The following VPS50 variants were observed in gnomAD, a reference collection of about 807,000 sequenced individuals.
VPS50 encodes syndetin.
VPS50 carries 70 observed loss-of-function variants against 139.7 expected under a neutral mutation model. That is an observed-to-expected ratio of 0.50 (90% confidence interval 0.41 to 0.61). VPS50 has a LOEUF of 0.61. Ranked by LOEUF, VPS50 falls within the 20% of genes least tolerant of loss-of-function variation. The pLI, the probability that VPS50 is intolerant of heterozygous loss-of-function variation, is 0.00. For synonymous variants in VPS50, 365 were observed against 376.7 expected (o/e 0.97, Z 0.36); for missense variants, 921 against 1,133.7 (o/e 0.81, Z 2.69).
intron 2 of VPS50, among the ~76,000 whole-genome samples, chr7:93,241,841 A>G (rs778009247): frequency 6.6e-6 from 1 of 151,974 alleles, no homozygotes; most frequent in African/African-American, 2.4e-5. Context: ...ATCATAACAC[A>G]TATATTTTAA....
intron 2 of VPS50, among the ~76,000 whole-genome samples, chr7:93,245,438 A>G (rs1044287628): frequency 6.6e-6 from 1 of 151,832 alleles, no homozygotes; most frequent in East Asian, 1.9e-4. Context: ...CTTTTAGAGA[A>G]AGTGTCTGAT....
At chr7:93,241,107 C>A (rs1245869325) in intron 2 of VPS50, among the ~76,000 whole-genome samples, 1 of 152,054 alleles carries the variant, frequency 6.6e-6, no homozygotes, top group Admixed American at 6.6e-5. Context: ...TATGAACATA[C>A]CTTGAATTAG....
chr7:93,276,486 C>A, intron 12 of VPS50, 181 bp downstream of exon 12: 15 of 980,430 alleles, frequency 1.5e-5, no homozygotes, highest in Admixed American at 3.2e-5. Context: ...CTCAGTCACA[C>A]AAATGGTAAA....
At chr7:93,237,167 A>G (rs1178841425) in intron 1 of VPS50, among the ~76,000 whole-genome samples, 1 of 150,748 alleles carries the variant, frequency 6.6e-6, no homozygotes, top group Non-Finnish European at 1.5e-5. Context: ...TGTGTTAGCC[A>G]GGATAGTCTC....
intron 4 of VPS50, among the ~76,000 whole-genome samples, chr7:93,255,070 C>CT (rs1795447866): frequency 6.6e-6 from 1 of 151,828 alleles, no homozygotes; most frequent in Non-Finnish European, 1.5e-5. Flanking sequence ...TTGTGGAAGA[C>CT]AATTTTTCTA....
chr7:93,252,243 A>T (rs796816345), intron 2 of VPS50, among the ~76,000 whole-genome samples: 4 of 152,252 alleles, frequency 2.6e-5, no homozygotes, highest in African/African-American at 9.6e-5. Context: ...GTTGATTGTG[A>T]CCCAGAAGTT....
At chr7:93,344,620 T>C (rs1335410669) in intron 23 of VPS50, among the ~76,000 whole-genome samples, 1 of 151,680 alleles carries the variant, frequency 6.6e-6, no homozygotes, top group Non-Finnish European at 1.5e-5. Context: ...ACAGAAATTA[T>C]AACAAACTAT....
chr7:93,237,748 A>AT (rs1283380100), intron 1 of VPS50, among the ~76,000 whole-genome samples: 1 of 152,176 alleles, frequency 6.6e-6, no homozygotes, highest in African/African-American at 2.4e-5. Context: ...GGGTTTAAAA[A>AT]TTTTTTTTAT....
At chr7:93,236,681 A>C (rs1794809536) in intron 1 of VPS50, among the ~76,000 whole-genome samples, 1 of 152,014 alleles carries the variant, frequency 6.6e-6, no homozygotes, top group Non-Finnish European at 1.5e-5. Context: ...AGAGAGATGA[A>C]GATAAAATAA....
In VPS50 at chr7:93,359,492, TCTC is replaced by T. The variant is rs1408578922; in HGVS notation, c.*1059_*1061del. On this transcript the variant is annotated 3_prime_UTR_variant, in exon 28 of 28. Transcript: ENST00000305866. ...AACTTTGCCCTGAAGCCAGGGATCT[TCTC>T]CTAATGTATGTGACATAAAAATCCA... 1.9e-4 allele frequency: 29 copies of T among 152,162 alleles called. No homozygotes were observed. The highest frequency in any genetic ancestry group is 7.0e-4 in the African/African-American group (29 of 41,444). The allele number at this position is 152,162 out of a possible 1,614,324, so 9.4% of individuals were successfully genotyped here.
intron 12 of VPS50, among the ~76,000 whole-genome samples, chr7:93,283,843 G>A (rs1796402193): frequency 6.6e-6 from 1 of 152,184 alleles, no homozygotes; most frequent in Non-Finnish European, 1.5e-5. Context: ...GCAGGTGAAA[G>A]GAATAGTAGA....
chr7:93,335,068 T>A (rs1798035281), intron 22 of VPS50, among the ~76,000 whole-genome samples: 1 of 152,220 alleles, frequency 6.6e-6, no homozygotes, highest in African/African-American at 2.4e-5. Flanking sequence ...GAAATACTGT[T>A]GCAACAATTG....
intron 3 of VPS50, among the ~76,000 whole-genome samples, chr7:93,252,994 G>A (rs531835940): frequency 6.6e-6 from 1 of 152,086 alleles, no homozygotes; most frequent in Non-Finnish European, 1.5e-5. Flanking sequence ...AAACATTTCT[G>A]TATTTTTGGT....
intron 2 of VPS50, among the ~76,000 whole-genome samples, chr7:93,244,031 G>A (rs1020981377): frequency 2.0e-5 from 3 of 151,672 alleles, no homozygotes; most frequent in Admixed American, 6.6e-5. Context: ...ATAGTAATGG[G>A]ATTCAGCTGT....
intron 1 of VPS50, among the ~76,000 whole-genome samples, chr7:93,234,372 A>C (rs1041928063): frequency 3.3e-5 from 5 of 152,246 alleles, no homozygotes; most frequent in Non-Finnish European, 7.3e-5. Flanking sequence ...GAATTTCAGC[A>C]GGTCAAACCT....
chr7:93,251,859 T>C (rs1446386845), intron 2 of VPS50, among the ~76,000 whole-genome samples: 1 of 152,232 alleles, frequency 6.6e-6, no homozygotes, highest in African/African-American at 2.4e-5. Context: ...ATGTCTATAA[T>C]GTCTTGATTA....
chr7:93,269,616 GTCTA>G (rs1212951695), intron 9 of VPS50, among the ~76,000 whole-genome samples: 1 of 152,008 alleles, frequency 6.6e-6, no homozygotes, highest in African/African-American at 2.4e-5. Context: ...TGCTATCTAT[GTCTA>G]TCTATATCTC....
chr7:93,308,287 C>T (rs1797172894), intron 18 of VPS50, among the ~76,000 whole-genome samples: 1 of 151,734 alleles, frequency 6.6e-6, no homozygotes, highest in Admixed American at 6.6e-5. Context: ...GTAAATCCAC[C>T]ATTTTTGTCC....
At chr7:93,257,995 G>T in intron 6 of VPS50, 164 bp from the exon 7 acceptor site, 1 of 515,110 alleles carries the variant, frequency 1.9e-6, no homozygotes, top group Non-Finnish European at 3.4e-6. Flanking sequence ...TCTGAGTAAT[G>T]CTGGTTTAGA....
Sources: allele counts gnomAD v4.1 joint callset (sites outside exome capture counted in the v4.1 genomes callset), GRCh38; gene constraint gnomAD v4.1.1; transcripts MANE v1.5; gene names NCBI Gene and HGNC (gene_info 2026-07-23, HGNC 2026-07-21).